The following RIN2 variants were observed in gnomAD, a reference collection of about 807,000 sequenced individuals.
RIN2 encodes Ras and Rab interactor 2, also known as RAB5 interacting protein 2.
In RIN2, 36 loss-of-function variants were observed where a neutral mutation model predicts 78.0. That is an observed-to-expected ratio of 0.46 (90% CI 0.35 to 0.61). The LOEUF is 0.61. RIN2 is among the 20% of genes least tolerant of loss of function. The pLI is 0.00. For missense variants in RIN2, 1,087 were observed against 1,159.7 expected (o/e 0.94, Z 0.91); for synonymous variants, 466 against 466.8 (o/e 1.00, Z 0.02).
chr20:19,759,969 A>C (rs1010054890), intron 1 of RIN2, among the ~76,000 whole-genome samples: 2 of 152,172 alleles, frequency 1.3e-5, no homozygotes, highest in African/African-American at 4.8e-5. Flanking sequence ...GAGAGTTGAC[A>C]GTGGCATGCA....
intron 1 of RIN2, among the ~76,000 whole-genome samples, chr20:19,782,788 G>A (rs939206478): frequency 9.2e-5 from 14 of 152,052 alleles, no homozygotes; most frequent in Non-Finnish European, 2.1e-4. Context: ...CACTCAAGTT[G>A]ATCTGTCCCT....
intron 2 of RIN2, among the ~76,000 whole-genome samples, chr20:19,866,720 G>T (rs1472316933): frequency 6.6e-6 from 1 of 152,136 alleles, no homozygotes; most frequent in Non-Finnish European, 1.5e-5. Context: ...CACCTCCCAG[G>T]TTCAAATGAT....
intron 3 of RIN2, among the ~76,000 whole-genome samples, chr20:19,897,854 G>A (rs891697154): frequency 1.9e-4 from 29 of 152,198 alleles, no homozygotes; most frequent in African/African-American, 6.7e-4. Flanking sequence ...TAGGACTACA[G>A]ATGCATGCCA....
At chr20:19,946,063 C>T (rs1396141714) in intron 4 of RIN2, among the ~76,000 whole-genome samples, 1 of 152,202 alleles carries the variant, frequency 6.6e-6, no homozygotes, top group Non-Finnish European at 1.5e-5. Context: ...CCTCCTCTTC[C>T]GTAAACCTTG....
chr20:19,930,723 C>T (rs2040408634), intron 3 of RIN2, among the ~76,000 whole-genome samples: 1 of 152,178 alleles, frequency 6.6e-6, no homozygotes, highest in South Asian at 2.1e-4. Context: ...GGGCCTAGTC[C>T]CAGGGTGGTG....
chr20:19,886,615 T>C (rs879220443), intron 2 of RIN2: 436 of 415,776 alleles, frequency 1.0e-3, no homozygotes, highest in South Asian at 4.3e-3. Flanking sequence ...TCTTCTTCTT[T>C]TTTTTTTTTT....
At chr20:19,898,919 A>G (rs2038859161) in intron 3 of RIN2, among the ~76,000 whole-genome samples, 1 of 152,246 alleles carries the variant, frequency 6.6e-6, no homozygotes, top group Admixed American at 6.5e-5. Flanking sequence ...GAAAAAAATG[A>G]TACAAAATGA....
intron 5 of RIN2, among the ~76,000 whole-genome samples, chr20:19,959,788 TG>T (rs1428288059): frequency 5.3e-5 from 8 of 152,178 alleles, no homozygotes; most frequent in African/African-American, 1.9e-4. Context: ...AGGACTCAGC[TG>T]GGCTGCCACA....
At chr20:19,831,928 G>A (rs1328093483) in intron 2 of RIN2, among the ~76,000 whole-genome samples, 1 of 152,048 alleles carries the variant, frequency 6.6e-6, no homozygotes, top group Non-Finnish European at 1.5e-5. Context: ...TGCATGTATT[G>A]GTTCTACCAT....
chr20:19,783,966 G>A (rs985999864), intron 1 of RIN2, among the ~76,000 whole-genome samples: 2 of 152,208 alleles, frequency 1.3e-5, no homozygotes, highest in Non-Finnish European at 2.9e-5. Flanking sequence ...TGTCGTGGAA[G>A]AGGGGACACG....
intron 2 of RIN2, among the ~76,000 whole-genome samples, chr20:19,832,808 G>A (rs1354613121): frequency 6.6e-6 from 1 of 151,910 alleles, no homozygotes; most frequent in Non-Finnish European, 1.5e-5. Flanking sequence ...GGACAGAAAG[G>A]GCCAACTCAC....
At chr20:19,911,738 C>T (rs946509165) in intron 3 of RIN2, among the ~76,000 whole-genome samples, 18 of 67,512 alleles carry the variant, frequency 2.7e-4, no homozygotes, top group East Asian at 5.7e-3. Flanking sequence ...CATTTCATTC[C>T]GTGAATTTTT....
chr20:19,805,727 T>A (rs557945678), intron 2 of RIN2, among the ~76,000 whole-genome samples: 8 of 152,042 alleles, frequency 5.3e-5, no homozygotes, highest in East Asian at 3.9e-4. Context: ...TTTTTTTTTT[T>A]AATTATTATA....
chr20:19,888,211 G>A (rs2123481910), intron 2 of RIN2, among the ~76,000 whole-genome samples: 1 of 152,288 alleles, frequency 6.6e-6, no homozygotes, highest in East Asian at 1.9e-4. Flanking sequence ...CGATGGTTCT[G>A]GAAGGAGGGG....
At chr20:19,885,269 G>T (rs538342257) in intron 2 of RIN2, among the ~76,000 whole-genome samples, 2 of 152,302 alleles carry the variant, frequency 1.3e-5, no homozygotes, top group African/African-American at 4.8e-5. Flanking sequence ...AGATTGGGCC[G>T]ATGTTGGTCA....
intron 3 of RIN2, among the ~76,000 whole-genome samples, chr20:19,913,529 T>A (rs1568602910): frequency 6.6e-6 from 1 of 152,242 alleles, no homozygotes; most frequent in Non-Finnish European, 1.5e-5. Flanking sequence ...ACCATCCATT[T>A]CCAGAACTCC....
intron 2 of RIN2, among the ~76,000 whole-genome samples, chr20:19,860,601 G>A (rs1006467590): frequency 5.3e-5 from 8 of 152,156 alleles, no homozygotes; most frequent in African/African-American, 1.9e-4. Context: ...GGGATTACAG[G>A]CATGAGCCAC....
At chr20:19,783,724 C>G (rs1353760969) in intron 1 of RIN2, among the ~76,000 whole-genome samples, 1 of 152,150 alleles carries the variant, frequency 6.6e-6, no homozygotes, top group African/African-American at 2.4e-5. Context: ...ACCCCATGGA[C>G]AGCTAGAGCT....
intron 5 of RIN2, among the ~76,000 whole-genome samples, chr20:19,958,245 C>T (rs1447620773): frequency 6.6e-6 from 1 of 152,246 alleles, no homozygotes; most frequent in African/African-American, 2.4e-5. Context: ...TTGGCCATAA[C>T]ACAGAGCTGC....
Sources: allele counts gnomAD v4.1 joint callset (sites outside exome capture counted in the v4.1 genomes callset), GRCh38; gene constraint gnomAD v4.1.1; transcripts MANE v1.5; gene names NCBI Gene and HGNC (gene_info 2026-07-23, HGNC 2026-07-21).